Variants in EPB41L4B observed in about 807,000 individuals in gnomAD.
EPB41L4B encodes erythrocyte membrane protein band 4.1 like 4B, also known as band 4.1-like protein 4B.
EPB41L4B carries 30 observed loss-of-function variants against 112.5 expected under a neutral mutation model. That is an observed-to-expected ratio of 0.27 (90% confidence interval 0.20 to 0.36). The LOEUF (loss-of-function observed/expected upper bound fraction) is 0.36, where lower values mean the gene tolerates loss of function less well. EPB41L4B is among the 10% of genes least tolerant of loss of function. EPB41L4B has a pLI of 1.00. For missense variants in EPB41L4B, 1,024 were observed against 1,133.3 expected (o/e 0.90, Z 1.38); for synonymous variants, 408 against 439.7 (o/e 0.93, Z 0.90).
chr9:109,305,713 G>A (rs1198895203), intron 1 of EPB41L4B, among the ~76,000 whole-genome samples: 11 of 146,952 alleles, frequency 7.5e-5, no homozygotes, highest in African/African-American at 2.5e-4. Flanking sequence ...ACCTGAGGTC[G>A]GGAGTTCAAG....
At chr9:109,195,896 T>C (rs868689458) in intron 20 of EPB41L4B, among the ~76,000 whole-genome samples, 64 of 152,324 alleles carry the variant, frequency 4.2e-4, no homozygotes, top group African/African-American at 1.5e-3. Flanking sequence ...GAAGCATATC[T>C]AAAATTCAGC....
chr9:109,253,422 A>G lies in EPB41L4B; in HGVS notation c.1279+19T>C, dbSNP rs1167651173. The stretch of plus-strand genomic sequence containing the variant: ...CAAGCATAATGTAAAATTCCAAGAA[A>G]GAATGAAAAACACACAACCTTTGAA... On this transcript the variant is annotated intron_variant, in intron 12 of 25. Coordinates refer to ENST00000374566, the MANE Select transcript of EPB41L4B (RefSeq NM_019114.5). The G allele has an allele frequency of 6.4e-7, 1 of 1,561,774 alleles. No individual in the cohort carries two copies. Among genetic ancestry groups the G allele is most frequent in the Admixed American group, 1.7e-5 (1 of 58,898 alleles).
intron 15 of EPB41L4B, among the ~76,000 whole-genome samples, chr9:109,243,007 G>A (rs1031082611): frequency 3.3e-5 from 5 of 151,862 alleles, no homozygotes; most frequent in African/African-American, 1.2e-4. Context: ...CAGTTTCATT[G>A]AAGCACAGCC....
At chr9:109,226,683 AGAATATATATAT>A (rs1180366041) in intron 15 of EPB41L4B, among the ~76,000 whole-genome samples, 14,548 of 92,026 alleles carry the variant, frequency 0.16, 1,323 homozygotes, top group South Asian at 0.21. Flanking sequence ...ATATATATGA[AGAATATATATAT>A]GAATATATAT....
intron 8 of EPB41L4B, 64 bp downstream of exon 8, chr9:109,256,329 C>G: frequency 6.3e-7 from 1 of 1,593,542 alleles, no homozygotes; most frequent in South Asian, 1.1e-5. Context: ...ATTTTGTTTG[C>G]ATAATGTTCA....
intron 15 of EPB41L4B, among the ~76,000 whole-genome samples, chr9:109,227,068 G>A (rs1833808912): frequency 6.6e-6 from 1 of 151,810 alleles, no homozygotes; most frequent in Non-Finnish European, 1.5e-5. Context: ...TCAGATCCTG[G>A]TCTTAAGCGG....
rs571807895 is a variant in EPB41L4B at position 109,229,139 on chromosome 9, T to TTCAC, written c.1410-11998_1410-11995dup. On this transcript the variant is annotated intron_variant, in intron 15 of 25. Transcript: ENST00000374566. The stretch of plus-strand genomic sequence containing the variant: ...ATATGTGGAGAATTAAGCCCTGGAT[T>TTCAC]TCACTCACTTCATGTTCATGATTCT... Among the ~76,000 whole-genome samples the TTCAC allele has an allele frequency of 1.1e-4, 17 of 152,330 alleles. No homozygotes were observed. The East Asian group carries it at 3.3e-3, about 29-fold the overall frequency.
intron 1 of EPB41L4B, among the ~76,000 whole-genome samples, chr9:109,290,710 C>CATATATATAT (rs138734040): frequency 6.9e-6 from 1 of 145,900 alleles, no homozygotes; most frequent in African/African-American, 2.6e-5. Context: ...GGAAACTAGC[C>CATATATATAT]ATATATATAT....
chr9:109,288,503 A>G (rs867844129), intron 1 of EPB41L4B, among the ~76,000 whole-genome samples: 70 of 151,864 alleles, frequency 4.6e-4, no homozygotes, highest in African/African-American at 1.7e-3. Flanking sequence ...GGCGGATCAC[A>G]AGGTCAGGAG....
intron 1 of EPB41L4B, among the ~76,000 whole-genome samples, chr9:109,304,613 C>T (rs1837098492): frequency 6.6e-6 from 1 of 152,192 alleles, no homozygotes. Flanking sequence ...GTGTTCTCTC[C>T]TAGTTGCCTG....
chr9:109,184,151 C>G (rs948730969), intron 23 of EPB41L4B, among the ~76,000 whole-genome samples: 1 of 152,182 alleles, frequency 6.6e-6, no homozygotes, highest in African/African-American at 2.4e-5. Flanking sequence ...GCTCTGAGAC[C>G]AATATCCTAG....
intron 15 of EPB41L4B, among the ~76,000 whole-genome samples, chr9:109,237,380 A>C (rs1834184075): frequency 6.6e-6 from 1 of 152,256 alleles, no homozygotes. Context: ...GGGACCACAG[A>C]AACATGAATA....
At chr9:109,301,187 C>T (rs1047675925) in intron 1 of EPB41L4B, 1 of 152,238 alleles carries the variant, frequency 6.6e-6, no homozygotes, top group Non-Finnish European at 1.5e-5. Context: ...CAAGAGGCAA[C>T]AGGCTGACTT....
intron 25 of EPB41L4B, among the ~76,000 whole-genome samples, chr9:109,175,951 G>A (rs772513661): frequency 6.6e-6 from 1 of 151,744 alleles, no homozygotes; most frequent in East Asian, 1.9e-4. Context: ...CCTTTTCAGG[G>A]CTCTGCTTAA....
chr9:109,224,064 C>G (rs948881847), intron 15 of EPB41L4B, among the ~76,000 whole-genome samples: 17 of 150,406 alleles, frequency 1.1e-4, no homozygotes, highest in Admixed American at 3.3e-4. Context: ...ATAAAATAAA[C>G]CAGGGGAAAC....
chr9:109,250,741 C>A (rs1834755753), intron 13 of EPB41L4B, among the ~76,000 whole-genome samples: 1 of 152,214 alleles, frequency 6.6e-6, no homozygotes. Context: ...CTCACCAGAT[C>A]ATTCTACTAT....
At chr9:109,208,119 A>G in intron 17 of EPB41L4B, 70 bp from the exon 18 acceptor site, 1 of 1,591,070 alleles carries the variant, frequency 6.3e-7, no homozygotes, top group East Asian at 2.2e-5. Flanking sequence ...ACTTTTCCCA[A>G]TAATCATAAC....
At chr9:109,205,645 C>G (rs1381359695) in intron 18 of EPB41L4B, among the ~76,000 whole-genome samples, 2 of 152,200 alleles carry the variant, frequency 1.3e-5, no homozygotes, top group Non-Finnish European at 2.9e-5. Context: ...AGGGCTACTA[C>G]TGTTATCTGT....
chr9:109,251,413 A>G, intron 13 of EPB41L4B, 68 bp downstream of exon 13: 1 of 1,480,676 alleles, frequency 6.8e-7, no homozygotes, highest in Non-Finnish European at 9.4e-7. Flanking sequence ...GTAAGGAAAA[A>G]GTCAACATTG....
Sources: gnomAD v4.1 joint callset for allele counts (sites outside exome capture counted in the v4.1 genomes callset) on GRCh38, gnomAD v4.1.1 for gene constraint, MANE v1.5 for transcripts, NCBI Gene and HGNC (gene_info 2026-07-23, HGNC 2026-07-21) for gene names.